Variants in VEPH1 observed in about 807,000 individuals in gnomAD.
The protein encoded by VEPH1 is ventricular zone expressed PH domain containing 1, also known as ventricular zone-expressed PH domain-containing protein homolog 1.
VEPH1 carries 80 observed loss-of-function variants against 85.2 expected under a neutral mutation model. The ratio of observed to expected loss-of-function variants is 0.94; its 90% CI spans 0.78 to 1.13. The LOEUF (loss-of-function observed/expected upper bound fraction) is 1.13. Ranked by LOEUF, VEPH1 falls within the 50% of genes most tolerant of loss-of-function variation. The pLI, the probability that VEPH1 is intolerant of heterozygous loss-of-function variation, is 0.00. For missense variants in VEPH1, 955 were observed against 980.5 expected, an observed-to-expected ratio of 0.97 and a Z score of 0.35; for synonymous variants, 297 against 348.0, an observed-to-expected ratio of 0.85 and a Z score of 1.63.
chr3:157,424,193 G>T (rs546963288), intron 5 of VEPH1, among the ~76,000 whole-genome samples: 2 of 152,198 alleles, frequency 1.3e-5, no homozygotes, highest in African/African-American at 2.4e-5. Flanking sequence ...TTTATCAGGG[G>T]TTTCCACTTT....
chr3:157,416,908 G>A (rs1258990902), intron 5 of VEPH1, among the ~76,000 whole-genome samples: 1 of 151,430 alleles, frequency 6.6e-6, no homozygotes, highest in Non-Finnish European at 1.5e-5. Flanking sequence ...AAGGAAGGAC[G>A]GAAGGAGAAA....
At chr3:157,291,705 C>T (rs971140964) in intron 11 of VEPH1, among the ~76,000 whole-genome samples, 1 of 152,204 alleles carries the variant, frequency 6.6e-6, no homozygotes, top group African/African-American at 2.4e-5. Flanking sequence ...TGGATTAAAG[C>T]TCTTACCATG....
rs752931056 is a variant in VEPH1 at position 157,309,089 on chromosome 3, GTTA to G, written c.2010+4529_2010+4531del. ...GTCTTGTGTTCTATTTGTTGTTGTT[GTTA>G]TTATTATTATTATTATTAATGCCTA... On this transcript the variant is annotated intron_variant, in intron 11 of 13. Transcript: ENST00000362010. 5.5e-3 allele frequency among the ~76,000 whole-genome samples: 831 copies of G among 151,086 alleles called. 8 individuals are homozygous for G. Among genetic ancestry groups the G allele is most frequent in the Middle Eastern group, 0.027 (8 of 294 alleles).
intron 9 of VEPH1, among the ~76,000 whole-genome samples, chr3:157,350,385 C>G (rs1007665957): frequency 6.6e-6 from 1 of 152,066 alleles, no homozygotes; most frequent in Admixed American, 6.6e-5. Context: ...AATCAAAGAC[C>G]TAAGTGTAAA....
At chr3:157,452,838 G>A (rs1424076444) in intron 4 of VEPH1, among the ~76,000 whole-genome samples, 4 of 152,164 alleles carry the variant, frequency 2.6e-5, no homozygotes, top group African/African-American at 9.7e-5. Context: ...GTGGACATTT[G>A]TGTTCTTTCA....
intron 2 of VEPH1, among the ~76,000 whole-genome samples, chr3:157,480,084 G>GTCTCTC (rs10651809): frequency 7.7e-6 from 1 of 129,788 alleles, no homozygotes; most frequent in African/African-American, 2.8e-5. Flanking sequence ...CTTTCTTTCT[G>GTCTCTC]TCTCTCTCTC....
At chr3:157,286,327 G>C in intron 12 of VEPH1, 1 of 508,126 alleles carries the variant, frequency 2.0e-6, no homozygotes, top group Non-Finnish European at 3.6e-6. Context: ...CTGCTTCCTT[G>C]ATAACCACAT....
intron 9 of VEPH1, among the ~76,000 whole-genome samples, chr3:157,344,164 G>A (rs2108663926): frequency 6.6e-6 from 1 of 152,296 alleles, no homozygotes; most frequent in South Asian, 2.1e-4. Context: ...CATAGTGTTG[G>A]AAGTTCTGGC....
chr3:157,481,469 A>C (rs201534547), intron 2 of VEPH1, among the ~76,000 whole-genome samples: 3,726 of 67,958 alleles, frequency 0.055, 48 homozygotes, highest in African/African-American at 0.066. Context: ...CACACACAAA[A>C]AAAAAAAAAA....
intron 13 of VEPH1, among the ~76,000 whole-genome samples, chr3:157,262,788 A>T (rs1002366346): frequency 2.6e-5 from 4 of 152,284 alleles, no homozygotes; most frequent in Admixed American, 2.6e-4. Flanking sequence ...TATTACATAG[A>T]TTTTTCAAAA....
chr3:157,340,781 G>A (rs377147605), intron 9 of VEPH1, among the ~76,000 whole-genome samples: 1 of 152,264 alleles, frequency 6.6e-6, no homozygotes. Flanking sequence ...CCCCAGTAGG[G>A]GCAGACTGAC....
chr3:157,375,066 T>C (rs1010894913), intron 7 of VEPH1, among the ~76,000 whole-genome samples: 1 of 152,220 alleles, frequency 6.6e-6, no homozygotes. Context: ...TTCTTGCCTG[T>C]CTGCAAGGTT....
intron 6 of VEPH1, among the ~76,000 whole-genome samples, chr3:157,392,800 A>G (rs981357889): frequency 3.3e-5 from 5 of 152,224 alleles, no homozygotes; most frequent in African/African-American, 4.8e-5. Context: ...CCTAAGCTTC[A>G]TCTGTAGATT....
chr3:157,356,857 A>ACTGT (rs1725500496), intron 9 of VEPH1, among the ~76,000 whole-genome samples: 1 of 152,150 alleles, frequency 6.6e-6, no homozygotes, highest in Non-Finnish European at 1.5e-5. Context: ...TCTGCTGGGG[A>ACTGT]CTGTCAGGGG....
At chr3:157,316,820 C>CT (rs1293776577) in intron 10 of VEPH1, among the ~76,000 whole-genome samples, 1 of 151,956 alleles carries the variant, frequency 6.6e-6, no homozygotes, top group East Asian at 1.9e-4. Flanking sequence ...TTTCATTCTT[C>CT]TTTTTTAAAG....
intron 2 of VEPH1, among the ~76,000 whole-genome samples, chr3:157,480,084 G>C (rs79542349): frequency 1.3e-4 from 17 of 129,846 alleles, no homozygotes; most frequent in South Asian, 5.2e-4. Flanking sequence ...CTTTCTTTCT[G>C]TCTCTCTCTC....
chr3:157,482,881 C>T (rs907952247), intron 2 of VEPH1, among the ~76,000 whole-genome samples: 5 of 151,960 alleles, frequency 3.3e-5, no homozygotes, highest in African/African-American at 1.2e-4. Context: ...AGTTCTAGGA[C>T]CCTTTTGGTG....
chr3:157,323,357 TAGA>T (rs1721559533), intron 9 of VEPH1, among the ~76,000 whole-genome samples: 1 of 152,230 alleles, frequency 6.6e-6, no homozygotes, highest in African/African-American at 2.4e-5. Flanking sequence ...CTCGGTTCTG[TAGA>T]AGGTGTTCAG....
intron 9 of VEPH1, among the ~76,000 whole-genome samples, chr3:157,318,473 T>G (rs1720987953): frequency 6.6e-6 from 1 of 151,946 alleles, no homozygotes; most frequent in Non-Finnish European, 1.5e-5. Context: ...CTGGGCATGG[T>G]GGCATCTGCC....
Sources: allele counts gnomAD v4.1 joint callset (sites outside exome capture counted in the v4.1 genomes callset), GRCh38; gene constraint gnomAD v4.1.1; transcripts MANE v1.5; gene names NCBI Gene and HGNC (gene_info 2026-07-23, HGNC 2026-07-21).